PIK3C2A: variants seen among roughly 807,000 people sequenced by gnomAD.
The protein encoded by PIK3C2A is phosphatidylinositol-4-phosphate 3-kinase catalytic subunit type 2 alpha, also known as phosphatidylinositol 4-phosphate 3-kinase C2 domain-containing subunit alpha.
A neutral mutation model predicts 204.5 loss-of-function variants in PIK3C2A; 97 were observed. The ratio of observed to expected loss-of-function variants is 0.47; its 90% CI spans 0.40 to 0.56. The LOEUF is 0.56. Ranked by LOEUF, PIK3C2A falls within the 20% of genes least tolerant of loss-of-function variation. PIK3C2A has a pLI of 0.00. For missense variants in PIK3C2A, 1,735 were observed against 1,969.2 expected, an observed-to-expected ratio of 0.88 and a Z score of 2.25; for synonymous variants, 653 against 664.4, an observed-to-expected ratio of 0.98 and a Z score of 0.26.
chr11:17,151,866 T>A (rs1336763754), intron 3 of PIK3C2A, among the ~76,000 whole-genome samples: 1 of 152,194 alleles, frequency 6.6e-6, no homozygotes, highest in East Asian at 1.9e-4. Context: ...CTTTTCTTTA[T>A]AAATTACTCA....
chr11:17,104,160 T>A (rs1004531377), intron 23 of PIK3C2A, among the ~76,000 whole-genome samples: 1 of 152,204 alleles, frequency 6.6e-6, no homozygotes, highest in African/African-American at 2.4e-5. Context: ...TGGGTCTTCC[T>A]TAGGCCAAGT....
At chr11:17,198,525 C>T (rs1852242132) in intron 1 of PIK3C2A, among the ~76,000 whole-genome samples, 1 of 152,112 alleles carries the variant, frequency 6.6e-6, no homozygotes, top group Non-Finnish European at 1.5e-5. Flanking sequence ...TAATAAAATG[C>T]TTAGCATATA....
chr11:17,090,530 ACTGAATAGT>A (rs1400049365), intron 32 of PIK3C2A, among the ~76,000 whole-genome samples: 1 of 152,122 alleles, frequency 6.6e-6, no homozygotes, highest in Non-Finnish European at 1.5e-5. Context: ...TCTAAGACAA[ACTGAATAGT>A]CTGGAAGTAA....
At chr11:17,193,778 G>A (rs1267640133) in intron 1 of PIK3C2A, 4 of 183,430 alleles carry the variant, frequency 2.2e-5, no homozygotes, top group Admixed American at 1.3e-4. Context: ...ATCAGAAGGC[G>A]GAGGCTGCAG....
At chr11:17,206,700 A>G (rs1418837284) in intron 1 of PIK3C2A, among the ~76,000 whole-genome samples, 1 of 152,112 alleles carries the variant, frequency 6.6e-6, no homozygotes, top group Non-Finnish European at 1.5e-5. Context: ...CTCTCCTGGA[A>G]TTAGTTCCTG....
At chr11:17,111,654 A>G (rs1849002863) in intron 21 of PIK3C2A, among the ~76,000 whole-genome samples, 1 of 152,070 alleles carries the variant, frequency 6.6e-6, no homozygotes, top group African/African-American at 2.4e-5. Context: ...AGACGGGCAG[A>G]TCACCTGAAG....
chr11:17,116,968 T>G (rs919100663), intron 19 of PIK3C2A, among the ~76,000 whole-genome samples: 2 of 152,194 alleles, frequency 1.3e-5, no homozygotes, highest in Admixed American at 1.3e-4. Flanking sequence ...CCAAATGTGG[T>G]ATATCCACAC....
At chr11:17,166,985 T>C (rs1850978343) in intron 2 of PIK3C2A, among the ~76,000 whole-genome samples, 2 of 152,080 alleles carry the variant, frequency 1.3e-5, no homozygotes, top group Admixed American at 6.5e-5. Flanking sequence ...GCCCCTTTTT[T>C]TTTGAGATAG....
intron 19 of PIK3C2A, among the ~76,000 whole-genome samples, chr11:17,115,372 G>GAAAA (rs58726258): frequency 3.0e-4 from 25 of 84,536 alleles, no homozygotes; most frequent in East Asian, 6.8e-4. Context: ...GTCCCTACAA[G>GAAAA]AAAAAAAAAA....
intron 3 of PIK3C2A, among the ~76,000 whole-genome samples, chr11:17,152,508 C>T (rs1056757203): frequency 5.3e-5 from 8 of 152,098 alleles, no homozygotes; most frequent in Non-Finnish European, 1.5e-5. Context: ...TAACTGCTGA[C>T]TGAGTAAATT....
chr11:17,090,186 A>C (rs778828597), intron 32 of PIK3C2A, among the ~76,000 whole-genome samples: 9 of 152,198 alleles, frequency 5.9e-5, no homozygotes, highest in African/African-American at 9.6e-5. Context: ...TAAAAACTAG[A>C]GGCCAGGCAT....
chr11:17,160,951 A>C (rs1466053704), intron 2 of PIK3C2A, among the ~76,000 whole-genome samples: 1 of 152,210 alleles, frequency 6.6e-6, no homozygotes, highest in African/African-American at 2.4e-5. Context: ...CTTTCAAACC[A>C]GAAAGATGAG....
chr11:17,196,201 T>TA (rs1852148270), intron 1 of PIK3C2A, among the ~76,000 whole-genome samples: 1 of 152,108 alleles, frequency 6.6e-6, no homozygotes, highest in Admixed American at 6.5e-5. Context: ...CATCTATCAA[T>TA]AAAAACTTTT....
At chr11:17,117,469 A>C in intron 19 of PIK3C2A, 22 bp downstream of exon 19, 1 of 1,542,192 alleles carries the variant, frequency 6.5e-7, no homozygotes, top group South Asian at 1.1e-5. Flanking sequence ...ACACATTTAT[A>C]TTACCTTTTA....
At chr11:17,138,064 T>TC in intron 8 of PIK3C2A, 4 of 668,898 alleles carry the variant, frequency 6.0e-6, no homozygotes, top group Non-Finnish European at 2.8e-6. Context: ...CTTGATCCTG[T>TC]CACTAACACA....
intron 2 of PIK3C2A, among the ~76,000 whole-genome samples, chr11:17,157,869 T>A (rs1205582729): frequency 1.3e-5 from 2 of 152,332 alleles, no homozygotes; most frequent in East Asian, 3.9e-4. Context: ...GCAAATCCTC[T>A]GGTTTCACAC....
At position 17,119,271 on chromosome 11, in the gene PIK3C2A, A is replaced by G; in HGVS notation, c.2889T>C (p.Ile963=). The change falls in exon 17 of 33, where the codon ATT becomes ATC. Residue 963 remains isoleucine (I), a synonymous_variant. Coordinates refer to ENST00000691414, the MANE Select transcript of PIK3C2A (RefSeq NM_002645.4). The part of the protein sequence containing the change: ...QEVRSLAVTW[I]EAISDDELTD... ...TTAGCTCATCATCACTAATGGCCTC[A>G]ATCCAGGTCACAGCTAGGGATCTTA... 1 of 1,609,868 alleles carries G rather than the reference A, an allele frequency of 6.2e-7. No individual in the cohort carries two copies. Among genetic ancestry groups the G allele is most frequent in the Non-Finnish European group, 8.5e-7 (1 of 1,176,830 alleles).
intron 25 of PIK3C2A, among the ~76,000 whole-genome samples, chr11:17,100,170 G>A (rs985248258): frequency 6.8e-6 from 1 of 147,426 alleles, no homozygotes; most frequent in South Asian, 2.1e-4. Flanking sequence ...CAATTTGTTG[G>A]TGGTGGTCAA....
intron 12 of PIK3C2A, among the ~76,000 whole-genome samples, chr11:17,131,419 ATTTTTTT>A (rs68020564): frequency 1.3e-5 from 1 of 79,466 alleles, no homozygotes; most frequent in Non-Finnish European, 2.8e-5. Context: ...AGGGTATTTC[ATTTTTTT>A]TTTTTTTTTT....
Sources: allele counts gnomAD v4.1 joint callset (sites outside exome capture counted in the v4.1 genomes callset), GRCh38; gene constraint gnomAD v4.1.1; transcripts MANE v1.5; gene names NCBI Gene and HGNC (gene_info 2026-07-23, HGNC 2026-07-21).